SLC35F1: variants seen among roughly 807,000 people sequenced by gnomAD.
SLC35F1 encodes chromosome 6 open reading frame 169.
In SLC35F1, 14 loss-of-function variants were observed where a neutral mutation model predicts 48.7. That is an observed-to-expected ratio of 0.29 (90% CI 0.19 to 0.45). The LOEUF is 0.45. Ranked by LOEUF, SLC35F1 falls within the 20% of genes least tolerant of loss-of-function variation. The probability of loss-of-function intolerance (pLI) is 1.00; values close to 1 mark genes in which losing one functional copy is unlikely to be tolerated. For synonymous variants in SLC35F1, 190 were observed against 202.2 expected, an observed-to-expected ratio of 0.94 and a Z score of 0.51; for missense variants, 404 against 500.0, an observed-to-expected ratio of 0.81 and a Z score of 1.83.
chr6:118,189,676 A>G (rs1774706641), intron 2 of SLC35F1, among the ~76,000 whole-genome samples: 1 of 152,064 alleles, frequency 6.6e-6, no homozygotes, highest in Non-Finnish European at 1.5e-5. Context: ...TAATTGAAAA[A>G]CTCCAGCTGA....
chr6:118,155,095 T>C (rs1400755419), intron 2 of SLC35F1, among the ~76,000 whole-genome samples: 3 of 152,170 alleles, frequency 2.0e-5, no homozygotes, highest in African/African-American at 7.2e-5. Context: ...AAAATAAAAC[T>C]ACCACAAATG....
At chr6:118,015,516 G>T (rs750604340) in intron 1 of SLC35F1, among the ~76,000 whole-genome samples, 47 of 150,968 alleles carry the variant, frequency 3.1e-4, no homozygotes, top group Non-Finnish European at 6.2e-4. Flanking sequence ...TCATCATTTA[G>T]CTCCCACAGA....
chr6:117,938,300 A>G (rs925540509), intron 1 of SLC35F1, among the ~76,000 whole-genome samples: 1 of 152,248 alleles, frequency 6.6e-6, no homozygotes, highest in East Asian at 1.9e-4. Context: ...GATAAGTTTC[A>G]TAGGACCAAA....
At chr6:118,124,180 GA>G (rs1468111019) in intron 1 of SLC35F1, among the ~76,000 whole-genome samples, 3 of 152,124 alleles carry the variant, frequency 2.0e-5, no homozygotes, top group South Asian at 2.1e-4. Context: ...CTTTGCCACT[GA>G]CAAGTTATGA....
chr6:118,268,246 C>T (rs887292102), intron 4 of SLC35F1, among the ~76,000 whole-genome samples: 1 of 152,132 alleles, frequency 6.6e-6, no homozygotes, highest in Non-Finnish European at 1.5e-5. Flanking sequence ...ACAAGGCCCC[C>T]GGCCTCCAGG....
At chr6:118,190,990 C>G (rs1774725796) in intron 2 of SLC35F1, among the ~76,000 whole-genome samples, 1 of 152,114 alleles carries the variant, frequency 6.6e-6, no homozygotes, top group African/African-American at 2.4e-5. Flanking sequence ...GTAACCATAG[C>G]CTTTACAGTA....
intron 1 of SLC35F1, among the ~76,000 whole-genome samples, chr6:118,074,236 C>T (rs1235345530): frequency 3.3e-5 from 5 of 152,218 alleles, no homozygotes; most frequent in Non-Finnish European, 2.9e-5. Context: ...AAATTCACTA[C>T]AACCTTCTTA....
At chr6:117,980,151 A>G (rs1365588665) in intron 1 of SLC35F1, among the ~76,000 whole-genome samples, 1 of 152,204 alleles carries the variant, frequency 6.6e-6, no homozygotes, top group Non-Finnish European at 1.5e-5. Flanking sequence ...GGTGTTCTCA[A>G]CATCGTTGAT....
At chr6:118,081,113 T>C (rs1455343440) in intron 1 of SLC35F1, among the ~76,000 whole-genome samples, 1 of 152,174 alleles carries the variant, frequency 6.6e-6, no homozygotes, top group African/African-American at 2.4e-5. Context: ...TTTAATCCTC[T>C]CTTCTCTTTT....
chr6:117,923,694 C>CAT lies in SLC35F1; in HGVS notation c.173+15799_173+15800dup, dbSNP rs1562238804. 2.3e-3 allele frequency among the ~76,000 whole-genome samples: 31 copies of CAT among 13,504 alleles called. 5 individuals carry two copies. The highest frequency in any genetic ancestry group is 0.011 in the African/African-American group (16 of 1,488). 8.9% of individuals were successfully genotyped at this position (13,504 alleles called of 152,430 possible). On this transcript the variant is annotated intron_variant, in intron 1 of 7. Coordinates refer to ENST00000360388, the MANE Select transcript of SLC35F1 (RefSeq NM_001029858.4). ...ATATATGTACATATATACATATGTA[C>CAT]ATATACATATATGTACATATATACA...
chr6:118,290,297 G>T (rs1776104866), intron 7 of SLC35F1, among the ~76,000 whole-genome samples: 1 of 151,338 alleles, frequency 6.6e-6, no homozygotes, highest in Non-Finnish European at 1.5e-5. Flanking sequence ...AATAATTAGA[G>T]AATTCTACTG....
At chr6:118,060,540 TATC>T (rs1772522980) in intron 1 of SLC35F1, among the ~76,000 whole-genome samples, 2 of 152,198 alleles carry the variant, frequency 1.3e-5, no homozygotes, top group East Asian at 1.9e-4. Flanking sequence ...TGTTGTTAGT[TATC>T]ATCTAGATTT....
chr6:117,977,794 G>A (rs1471577334), intron 1 of SLC35F1, among the ~76,000 whole-genome samples: 2 of 151,976 alleles, frequency 1.3e-5, no homozygotes, highest in Admixed American at 6.5e-5. Flanking sequence ...TTTGGTCATT[G>A]ATTTTTCTTT....
chr6:118,223,617 T>C (rs1342663426), intron 2 of SLC35F1, among the ~76,000 whole-genome samples: 3 of 152,206 alleles, frequency 2.0e-5, no homozygotes, highest in African/African-American at 7.2e-5. Flanking sequence ...TGTCAGGTAA[T>C]AGAAGTGGCC....
Position 118,314,162 on chromosome 6 carries a change from C to CT in SLC35F1, c.1139dup (p.Leu380PhefsTer32), listed in dbSNP as rs1163677153. The CT allele has an allele frequency of 1.2e-6, 2 of 1,614,202 alleles. No individual in the cohort carries two copies. Among genetic ancestry groups the CT allele is most frequent in the Non-Finnish European group, 1.7e-6 (2 of 1,180,032 alleles). On this transcript the variant is annotated frameshift_variant, in exon 8 of 8. Transcript: ENST00000360388. LOFTEE classifies it high-confidence loss of function. The stretch of plus-strand genomic sequence containing the variant: ...GCAATCCTTCAGGACCTGTTGTGGA[C>CT]TTACCGACCACAGCTCAGGTGGAAC...
At chr6:118,119,787 A>C (rs1162083082) in intron 1 of SLC35F1, among the ~76,000 whole-genome samples, 1 of 152,186 alleles carries the variant, frequency 6.6e-6, no homozygotes, top group East Asian at 1.9e-4. Context: ...TAATAAACTG[A>C]GTATACAACA....
At chr6:118,192,366 T>TG (rs1774743528) in intron 2 of SLC35F1, among the ~76,000 whole-genome samples, 1 of 152,260 alleles carries the variant, frequency 6.6e-6, no homozygotes, top group East Asian at 1.9e-4. Flanking sequence ...GGGGAATTCA[T>TG]GGGGAATTTT....
At chr6:118,134,545 T>C (rs1378001650) in intron 1 of SLC35F1, among the ~76,000 whole-genome samples, 2 of 152,202 alleles carry the variant, frequency 1.3e-5, no homozygotes, top group Non-Finnish European at 2.9e-5. Context: ...AATAACACCA[T>C]GCAATAGGCA....
chr6:117,934,526 G>C (rs9489282), intron 1 of SLC35F1, among the ~76,000 whole-genome samples: 8,938 of 152,140 alleles, frequency 0.059, 881 homozygotes, highest in African/African-American at 0.2. Context: ...TATTTTAAAA[G>C]GAACTTGTAA....
Sources: allele counts gnomAD v4.1 joint callset (sites outside exome capture counted in the v4.1 genomes callset), GRCh38; gene constraint gnomAD v4.1.1; transcripts MANE v1.5; gene names NCBI Gene and HGNC (gene_info 2026-07-23, HGNC 2026-07-21).